The following SORBS2 variants were observed in gnomAD, a reference collection of about 807,000 sequenced individuals.
SORBS2 encodes the protein sorbin and SH3 domain-containing protein 2.
Under a neutral mutation model 97.7 loss-of-function variants are expected in SORBS2, and 46 were observed. That is an observed-to-expected ratio of 0.47 (90% CI 0.37 to 0.60). SORBS2 has a LOEUF of 0.60. Among genes scored for constraint, SORBS2 ranks in the 20% least tolerant of loss-of-function variants. The pLI, the probability that SORBS2 is intolerant of heterozygous loss-of-function variation, is 0.00. For synonymous variants in SORBS2, 476 were observed against 473.4 expected (o/e 1.01, Z -0.07); for missense variants, 1,316 against 1,282.3 (o/e 1.03, Z -0.40).
chr4:185,758,574 G>A (rs2098844965), intron 2 of SORBS2, among the ~76,000 whole-genome samples: 7 of 152,156 alleles, frequency 4.6e-5, no homozygotes, highest in Middle Eastern at 3.4e-3. Flanking sequence ...ATCTCTTGCC[G>A]TCTCCTCCAT....
Position 185,600,943 on chromosome 4 carries a change from T to C in SORBS2, c.2797-7008A>G, listed in dbSNP as rs534084838. Among the ~76,000 whole-genome samples the C allele has an allele frequency of 3.9e-5, 6 of 152,230 alleles. 1 individual carries two copies. The South Asian group carries it at 1.0e-3, about 26-fold the overall frequency. On this transcript the variant is annotated intron_variant, in intron 12 of 14. Transcript: ENST00000418609. Reference sequence around the variant, plus strand: ...TATTTTCAGAGTAAGATCTTTCATATGACAGTGAGTAAGCTGACCTTCTTT... The same window carrying C: ...TATTTTCAGAGTAAGATCTTTCATACGACAGTGAGTAAGCTGACCTTCTTT...
At chr4:185,718,964 C>G (rs966572963) in intron 2 of SORBS2, among the ~76,000 whole-genome samples, 7 of 152,070 alleles carry the variant, frequency 4.6e-5, no homozygotes, top group Non-Finnish European at 1.5e-5. Flanking sequence ...AAATTAGAAA[C>G]AGGTAAATGA....
At chr4:185,853,075 T>C (rs1238861697) in intron 1 of SORBS2, among the ~76,000 whole-genome samples, 4 of 152,132 alleles carry the variant, frequency 2.6e-5, no homozygotes, top group African/African-American at 4.8e-5. Flanking sequence ...ATGTACAGCA[T>C]GTAAAATACC....
intron 4 of SORBS2, among the ~76,000 whole-genome samples, chr4:185,664,825 T>G (rs1475862646): frequency 6.6e-6 from 1 of 152,170 alleles, no homozygotes; most frequent in African/African-American, 2.4e-5. Context: ...AAATAAAATT[T>G]TGTCTATGAC....
intron 1 of SORBS2, among the ~76,000 whole-genome samples, chr4:185,889,652 T>C (rs918851615): frequency 3.3e-5 from 5 of 152,168 alleles, no homozygotes; most frequent in Non-Finnish European, 7.4e-5. Flanking sequence ...CAAGTGTTCA[T>C]CTTTGCTTTT....
intron 1 of SORBS2, among the ~76,000 whole-genome samples, chr4:185,908,927 T>C (rs1306351068): frequency 6.6e-6 from 1 of 151,386 alleles, no homozygotes; most frequent in Non-Finnish European, 1.5e-5. Context: ...ATAATACATA[T>C]ATAAAAATAA....
rs567170278 is a variant in SORBS2 at position 185,846,964 on chromosome 4, T to A, written c.-337-71598A>T. On this transcript the variant is annotated intron_variant, in intron 1 of 20. Coordinates refer to the SORBS2 transcript ENST00000284776. ...AAAGAATGATAACACCTTTGGTAGATGAGGATATCCAGAATAAAAACATGA... is the reference window on the plus strand; with the variant it reads ...AAAGAATGATAACACCTTTGGTAGAAGAGGATATCCAGAATAAAAACATGA... Among the ~76,000 whole-genome samples, 7 of 152,322 alleles carry A rather than the reference T, an allele frequency of 4.6e-5. No individual in the cohort carries two copies. The East Asian group carries it at 1.4e-3, about 29-fold the overall frequency.
At chr4:185,669,631 G>C (rs1176230204) in intron 4 of SORBS2, among the ~76,000 whole-genome samples, 2 of 152,114 alleles carry the variant, frequency 1.3e-5, no homozygotes, top group Non-Finnish European at 2.9e-5. Context: ...CAGTAATTGA[G>C]ATAAATTCTG....
At chr4:185,875,758 T>G (rs10002028) in intron 1 of SORBS2, among the ~76,000 whole-genome samples, 15 of 152,108 alleles carry the variant, frequency 9.9e-5, no homozygotes, top group Admixed American at 3.9e-4. Context: ...TACGTGCATA[T>G]GTAACTACAC....
At chr4:185,835,311 G>A (rs959214833) in intron 1 of SORBS2, among the ~76,000 whole-genome samples, 3 of 152,172 alleles carry the variant, frequency 2.0e-5, no homozygotes, top group Non-Finnish European at 2.9e-5. Context: ...ATCATTTTAT[G>A]AGAAAGGAAG....
At chr4:185,892,555 T>C (rs934503705) in intron 1 of SORBS2, among the ~76,000 whole-genome samples, 22 of 152,176 alleles carry the variant, frequency 1.4e-4, no homozygotes, top group Admixed American at 3.9e-4. Context: ...AAACAAAACG[T>C]GGTGCATACA....
intron 1 of SORBS2, among the ~76,000 whole-genome samples, chr4:185,776,266 T>A (rs1186350659): frequency 6.6e-6 from 1 of 152,154 alleles, no homozygotes; most frequent in Non-Finnish European, 1.5e-5. Context: ...ACAGAATTTT[T>A]AAATATTTTC....
At chr4:185,869,374 C>T (rs1013836028) in intron 1 of SORBS2, among the ~76,000 whole-genome samples, 1 of 152,118 alleles carries the variant, frequency 6.6e-6, no homozygotes, top group Non-Finnish European at 1.5e-5. Flanking sequence ...CTACTGAAAA[C>T]AGTAGATATA....
chr4:185,818,579 A>C (rs544893348), intron 1 of SORBS2, among the ~76,000 whole-genome samples: 43 of 152,206 alleles, frequency 2.8e-4, no homozygotes, highest in Admixed American at 1.4e-3. Context: ...TCCTGCATCA[A>C]AGGAAGACTA....
At chr4:185,701,924 G>A (rs1015483053) in intron 2 of SORBS2, among the ~76,000 whole-genome samples, 6 of 151,960 alleles carry the variant, frequency 3.9e-5, no homozygotes, top group Admixed American at 2.6e-4. Context: ...GCACGTGCCA[G>A]CACGCCCAGC....
At position 185,630,969 on chromosome 4, in the gene SORBS2, A is replaced by G. The variant is rs547205089; in HGVS notation, c.397-371T>C. On this transcript the variant is annotated intron_variant, in intron 4 of 14. Transcript: ENST00000418609. ...TTGACTGTAAATAGAAATTTCCTAC[A>G]GAAAGGAATGGTTTGATGTTTTAAA... is the stretch of plus-strand genomic sequence containing the variant. Among the ~76,000 whole-genome samples, 10 of 152,378 alleles carry G rather than the reference A, an allele frequency of 6.6e-5. No homozygotes were observed. In the East Asian group the frequency reaches 1.9e-3, roughly 29 times the overall value.
At chr4:185,677,967 C>CATAT (rs111888882) in intron 4 of SORBS2, among the ~76,000 whole-genome samples, 13,714 of 151,494 alleles carry the variant, frequency 0.091, 652 homozygotes, top group Middle Eastern at 0.14. Context: ...TAGACTTTGA[C>CATAT]ATATATATAT....
intron 12 of SORBS2, among the ~76,000 whole-genome samples, chr4:185,599,161 G>A (rs2153376455): frequency 6.6e-6 from 1 of 152,326 alleles, no homozygotes; most frequent in South Asian, 2.1e-4. Flanking sequence ...AATAAAAAAT[G>A]AAGACTTCTG....
At chr4:185,627,077 A>G (rs1245373388) in intron 5 of SORBS2, 58 bp from the exon 18 acceptor site, 32 of 1,515,506 alleles carry the variant, frequency 2.1e-5, no homozygotes, top group Non-Finnish European at 2.7e-5. Flanking sequence ...GGTGTGCACC[A>G]GAAAAACCGG....
Sources: allele counts gnomAD v4.1 joint callset (sites outside exome capture counted in the v4.1 genomes callset), GRCh38; gene constraint gnomAD v4.1.1; transcripts MANE v1.5; gene names NCBI Gene and HGNC (gene_info 2026-07-23, HGNC 2026-07-21).